The following LRPAP1 variants were observed in gnomAD, a reference collection of about 807,000 sequenced individuals.
The protein encoded by LRPAP1 is LDL receptor related protein associated protein 1, also known as alpha-2-macroglobulin receptor-associated protein.
A neutral mutation model predicts 39.9 loss-of-function variants in LRPAP1; 41 were observed. That is an observed-to-expected ratio of 1.03 (90% CI 0.80 to 1.33). The LOEUF (loss-of-function observed/expected upper bound fraction) is 1.33. Among genes scored for constraint, LRPAP1 ranks in the 40% most tolerant of loss-of-function variants. The pLI, the probability that LRPAP1 is intolerant of heterozygous loss-of-function variation, is 0.00. For missense variants in LRPAP1, 565 were observed against 482.3 expected, an observed-to-expected ratio of 1.17 and a Z score of -1.61; for synonymous variants, 263 against 212.7, an observed-to-expected ratio of 1.24 and a Z score of -2.06.
At chr4:3,514,613 C>T in intron 7 of LRPAP1, 139 bp downstream of exon 7, 12 of 1,152,724 alleles carry the variant, frequency 1.0e-5, no homozygotes, top group Non-Finnish European at 1.4e-5. Context: ...CACTTGTGGC[C>T]CTGGGGTTCA....
intron 6 of LRPAP1, among the ~76,000 whole-genome samples, chr4:3,515,561 G>A (rs1019937410): frequency 5.9e-5 from 9 of 152,268 alleles, no homozygotes; most frequent in African/African-American, 2.2e-4. Flanking sequence ...GGGACCCTGG[G>A]TGAACTCATG....
rs1053652958 is a variant in LRPAP1, at chr4:3,524,898, C to T, written c.349+9G>A. 6.2e-7 allele frequency: 1 copy of T among 1,613,696 alleles called. No homozygotes were observed. Among genetic ancestry groups the T allele is most frequent in the South Asian group, 1.1e-5 (1 of 91,082 alleles). On this transcript the variant is annotated intron_variant, in intron 2 of 7. Transcript: ENST00000650182. Reference sequence around the variant, plus strand: ...TACTCGACCTGCATTAGGAAAGAAACAAACGTACCATTGAGGTTGCGTATG... The same window carrying T: ...TACTCGACCTGCATTAGGAAAGAAATAAACGTACCATTGAGGTTGCGTATG...
chr4:3,525,112 AACTG>A, intron 1 of LRPAP1, 61 bp from the exon 2 acceptor site: 1 of 1,599,570 alleles, frequency 6.3e-7, no homozygotes, highest in Non-Finnish European at 8.5e-7. Context: ...CACAGCGAGA[AACTG>A]ACCTCGGAGG....
intron 2 of LRPAP1, among the ~76,000 whole-genome samples, chr4:3,522,759 T>C (rs1408657097): frequency 3.4e-5 from 5 of 149,006 alleles, no homozygotes; most frequent in Admixed American, 3.3e-4. Context: ...GCCTGGGGAG[T>C]GAAGTGGCCC....
Position 3,510,484 on chromosome 4 carries a change from C to T in LRPAP1, c.*2490G>A, listed in dbSNP as rs1170100391. 1 of 152,224 alleles carries T rather than the reference C, an allele frequency of 6.6e-6. No individual in the cohort carries two copies. Among genetic ancestry groups the T allele is most frequent in the African/African-American group, 2.4e-5 (1 of 41,456 alleles). The allele number at this position is 152,224 out of a possible 1,614,324, so 9.4% of individuals were successfully genotyped here. ...GCAAGAGCGTAAGGACAAACAGAAA[C>T]AGACCCACACAGGTAGGTCAGTTGA... On this transcript the variant is annotated 3_prime_UTR_variant, in exon 8 of 8. Coordinates refer to ENST00000650182, the MANE Select transcript of LRPAP1 (RefSeq NM_002337.4).
rs1729568101 is a variant in LRPAP1, at chr4:3,512,749, G to C, written c.*225C>G. 1 of 552,142 alleles carries C rather than the reference G, an allele frequency of 1.8e-6. No individual in the cohort carries two copies. Among genetic ancestry groups the C allele is most frequent in the South Asian group, 2.3e-5 (1 of 44,034 alleles). The allele number at this position is 552,142 out of a possible 1,614,324, so 34.2% of individuals were successfully genotyped here. On this transcript the variant is annotated 3_prime_UTR_variant, in exon 8 of 8. Transcript: ENST00000650182. ...CACGCTGATGCTGAGTGGAAGCCAA[G>C]CCCCTTCAGTCAGAGCTGGGCCGAT...
rs1729466183 is a variant in LRPAP1 at position 3,510,163 on chromosome 4, A to G, written c.*2811T>C. On this transcript the variant is annotated 3_prime_UTR_variant, in exon 8 of 8. Coordinates refer to ENST00000650182, the MANE Select transcript of LRPAP1 (RefSeq NM_002337.4). ...GTGGCGGCCGGGCACCATGGCTCAC[A>G]CCTACAACCTGTAATCCCAGTAGTT... 1 of 152,206 alleles carries G rather than the reference A, an allele frequency of 6.6e-6. No individual in the cohort carries two copies. Among genetic ancestry groups the G allele is most frequent in the Non-Finnish European group, 1.5e-5 (1 of 68,044 alleles). 9.4% of individuals were successfully genotyped at this position (152,206 alleles called of 1,614,324 possible). A position where few individuals can be genotyped will look rare whatever the true frequency, so the allele number is the denominator to read the frequency against.
chr4:3,532,102 C>T (rs903124365), intron 1 of LRPAP1, 107 bp downstream of exon 1: 2 of 1,266,430 alleles, frequency 1.6e-6, no homozygotes, highest in Non-Finnish European at 2.2e-6. Context: ...GGCACAGGTG[C>T]CCCGGCTGCG....
rs1027170128 is a variant in LRPAP1, at chr4:3,505,480, C to T, written c.*7494G>A. Among the ~76,000 whole-genome samples, 8 of 152,240 alleles carry T rather than the reference C, an allele frequency of 5.3e-5. No individual in the cohort carries two copies. The highest frequency in any genetic ancestry group is 1.3e-4 in the Admixed American group (2 of 15,288). ...TCCGAGCGGCACTTCTTCCACACCG[C>T]GCAGCTGCCTGTGCCTGGCAGGGGC... On this transcript the variant is annotated 3_prime_UTR_variant, in exon 8 of 8. Coordinates refer to ENST00000650182, the MANE Select transcript of LRPAP1 (RefSeq NM_002337.4).
Position 3,504,666 on chromosome 4 carries a change from C to A in LRPAP1, c.*8308G>T, listed in dbSNP as rs1729296866. Among the ~76,000 whole-genome samples the A allele has an allele frequency of 6.8e-6, 1 of 147,562 alleles. No individual in the cohort carries two copies. The highest frequency in any genetic ancestry group is 1.5e-5 in the Non-Finnish European group (1 of 67,438). On this transcript the variant is annotated 3_prime_UTR_variant, in exon 8 of 8. Transcript: ENST00000650182. ...TTGCGAGGCTGAGGCAGGAGAATTT[C>A]TTGAACCCAGGAGGTGGAGGTTGCA...
Position 3,512,233 on chromosome 4 carries a change from T to C in LRPAP1, c.*741A>G, listed in dbSNP as rs1288901736. The C allele has an allele frequency of 6.6e-6, 1 of 152,362 alleles. No individual in the cohort carries two copies. The highest frequency in any genetic ancestry group is 1.9e-4 in the East Asian group (1 of 5,190). The allele number at this position is 152,362 out of a possible 1,614,324, so 9.4% of individuals were successfully genotyped here. On this transcript the variant is annotated 3_prime_UTR_variant, in exon 8 of 8. Transcript: ENST00000650182. ...CCGTGGCTGTCTCTCCCCCATGAGA[T>C]GGGGCATTTACACAGCACACTTAGG...
At chr4:3,519,890 A>AG (rs992069682) in intron 3 of LRPAP1, among the ~76,000 whole-genome samples, 182 bp downstream of exon 3, 10 of 152,218 alleles carry the variant, frequency 6.6e-5, no homozygotes, top group African/African-American at 2.4e-4. Context: ...TCTTCTAAAC[A>AG]GGAAAGCTGA....
At chr4:3,514,570 T>C (rs1577203551) in intron 7 of LRPAP1, among the ~76,000 whole-genome samples, 182 bp downstream of exon 7, 1 of 152,342 alleles carries the variant, frequency 6.6e-6, no homozygotes, top group East Asian at 1.9e-4. Context: ...GGGGCTCCCC[T>C]AGCATGGCTG....
At chr4:3,529,714 C>T (rs913900980) in intron 1 of LRPAP1, among the ~76,000 whole-genome samples, 5 of 152,126 alleles carry the variant, frequency 3.3e-5, no homozygotes, top group African/African-American at 1.2e-4. Flanking sequence ...CTGATGAAAG[C>T]GGGTCTCAGC....
Position 3,518,887 on chromosome 4 carries a change from GGTCTCCAGCAGGACGTTGTACTC to G in LRPAP1, c.553_575del (p.Glu185ProfsTer13). 6.2e-7 allele frequency: 1 copy of G among 1,609,820 alleles called. No homozygotes were observed. On this transcript the variant is annotated frameshift_variant, in exon 4 of 8. Coordinates refer to ENST00000650182, the MANE Select transcript of LRPAP1 (RefSeq NM_002337.4). LOFTEE classifies it high-confidence loss of function. ...GGGGGGCACCTTCGGTCCTGCTCAG[GGTCTCCAGCAGGACGTTGTACTC>G]GTGAACTTTCTCTTTGTGATGCAGG...
In LRPAP1 at chr4:3,505,361, G is replaced by A. The variant is rs1279183413; in HGVS notation, c.*7613C>T. On this transcript the variant is annotated 3_prime_UTR_variant, in exon 8 of 8. Coordinates refer to ENST00000650182, the MANE Select transcript of LRPAP1 (RefSeq NM_002337.4). ...ATCCAGCATCCCTCCCCGGTGCCTA[G>A]CCCTCGCCAGGCTGCTGGCCCCATC... 6.6e-6 allele frequency among the ~76,000 whole-genome samples: 1 copy of A among 152,232 alleles called. No individual in the cohort carries two copies. Among genetic ancestry groups the A allele is most frequent in the Non-Finnish European group, 1.5e-5 (1 of 68,028 alleles).
At chr4:3,517,293 G>A (rs1729742288) in intron 5 of LRPAP1, among the ~76,000 whole-genome samples, 2 of 152,268 alleles carry the variant, frequency 1.3e-5, no homozygotes, top group Non-Finnish European at 2.9e-5. Context: ...CCATCCTGGA[G>A]ACGAGGCGGT....
At chr4:3,521,281 A>G (rs1181864666) in intron 2 of LRPAP1, among the ~76,000 whole-genome samples, 2 of 152,158 alleles carry the variant, frequency 1.3e-5, no homozygotes, top group African/African-American at 4.8e-5. Flanking sequence ...GGCCTCTCCC[A>G]AGATGCTGGG....
chr4:3,526,071 G>A (rs1331966078), intron 1 of LRPAP1, among the ~76,000 whole-genome samples: 1 of 152,256 alleles, frequency 6.6e-6, no homozygotes, highest in Non-Finnish European at 1.5e-5. Context: ...CAGGGTTCAC[G>A]GAGACAGGGT....
Sources: allele counts gnomAD v4.1 joint callset (sites outside exome capture counted in the v4.1 genomes callset), GRCh38; gene constraint gnomAD v4.1.1; transcripts MANE v1.5; gene names NCBI Gene and HGNC (gene_info 2026-07-23, HGNC 2026-07-21).